Variants in TMTC1 observed in about 807,000 individuals in gnomAD.
The protein encoded by TMTC1 is protein O-mannosyl-transferase TMTC1.
TMTC1 carries 73 observed loss-of-function variants against 104.8 expected under a neutral mutation model. That is an observed-to-expected ratio of 0.70 (90% CI 0.58 to 0.85). The LOEUF (loss-of-function observed/expected upper bound fraction) is 0.85. Ranked by LOEUF, TMTC1 falls within the 40% of genes least tolerant of loss-of-function variation. TMTC1 has a pLI of 0.00. For missense variants in TMTC1, 1,035 were observed against 1,096.1 expected, an observed-to-expected ratio of 0.94 and a Z score of 0.79; for synonymous variants, 434 against 428.7, an observed-to-expected ratio of 1.01 and a Z score of -0.15.
At chr12:29,650,697 A>G (rs1249305248) in intron 5 of TMTC1, among the ~76,000 whole-genome samples, 2 of 152,196 alleles carry the variant, frequency 1.3e-5, no homozygotes, top group Admixed American at 1.3e-4. Context: ...AAACCTTTCT[A>G]AAGAAGCAGC....
chr12:29,581,151 C>T (rs1002843251), intron 8 of TMTC1, among the ~76,000 whole-genome samples: 31 of 152,296 alleles, frequency 2.0e-4, no homozygotes, highest in Admixed American at 1.4e-3. Flanking sequence ...AAGTCTAACT[C>T]CATACCCTGC....
At chr12:29,706,360 T>C (rs1336939799) in intron 5 of TMTC1, among the ~76,000 whole-genome samples, 1 of 152,172 alleles carries the variant, frequency 6.6e-6, no homozygotes, top group African/African-American at 2.4e-5. Flanking sequence ...AAAAATAATA[T>C]AATCCCTATT....
At chr12:29,641,876 G>A (rs1167012189) in intron 5 of TMTC1, among the ~76,000 whole-genome samples, 2 of 152,044 alleles carry the variant, frequency 1.3e-5, no homozygotes, top group African/African-American at 4.8e-5. Context: ...AAATATTCAA[G>A]GAAATAGCTT....
At chr12:29,708,175 A>T (rs1941801626) in intron 5 of TMTC1, among the ~76,000 whole-genome samples, 1 of 152,230 alleles carries the variant, frequency 6.6e-6, no homozygotes, top group African/African-American at 2.4e-5. Flanking sequence ...AAATGTGATA[A>T]CAGCTAAAAC....
intron 5 of TMTC1, among the ~76,000 whole-genome samples, chr12:29,658,194 G>A (rs1939848196): frequency 6.6e-6 from 1 of 151,902 alleles, no homozygotes; most frequent in South Asian, 2.1e-4. Flanking sequence ...CATAGATCAA[G>A]ATTTAAAATT....
intron 6 of TMTC1, among the ~76,000 whole-genome samples, chr12:29,626,426 A>T (rs1937996992): frequency 6.6e-6 from 1 of 152,190 alleles, no homozygotes; most frequent in African/African-American, 2.4e-5. Context: ...AGTTTATGTA[A>T]CTAATTGGCA....
In TMTC1 at chr12:29,755,845, T is replaced by C. The variant is rs771858820; in HGVS notation, c.595A>G (p.Thr199Ala). ...QGCVGGSFPSTVSPFFLLLSL... is the reference protein window; with the variant it reads ...QGCVGGSFPSAVSPFFLLLSL... ...AGCAGCAAGAAGAAGGGAGACACCGTGGAAGGGAAACTTCCCCCAACACAG... is the reference window on the plus strand; with the variant it reads ...AGCAGCAAGAAGAAGGGAGACACCGCGGAAGGGAAACTTCCCCCAACACAG... The change falls in exon 4 of 18, where the codon ACG becomes GCG. Residue 199 changes from threonine to alanine, a missense_variant. By Grantham distance (58) the Thr-to-Ala change is moderately conservative. Transcript: ENST00000539277. 1.2e-6 allele frequency: 2 copies of C among 1,614,182 alleles called. No homozygotes were observed. Among genetic ancestry groups the C allele is most frequent in the Non-Finnish European group, 1.7e-6 (2 of 1,180,004 alleles).
chr12:29,556,632 A>C (rs1197921644), intron 10 of TMTC1, among the ~76,000 whole-genome samples: 1 of 152,252 alleles, frequency 6.6e-6, no homozygotes, highest in Non-Finnish European at 1.5e-5. Flanking sequence ...ACAATCTATG[A>C]AAATCTTCCA....
intron 1 of TMTC1, among the ~76,000 whole-genome samples, chr12:29,773,495 CT>C (rs1056539559): frequency 5.9e-5 from 9 of 152,104 alleles, no homozygotes; most frequent in African/African-American, 2.2e-4. Context: ...GACTAGAGTC[CT>C]TCCTCAAAAG....
intron 5 of TMTC1, among the ~76,000 whole-genome samples, chr12:29,735,377 T>C (rs1190616984): frequency 6.6e-6 from 1 of 152,264 alleles, no homozygotes; most frequent in East Asian, 1.9e-4. Context: ...TTACTGAAGT[T>C]GCAAAATGCA....
chr12:29,767,076 A>G (rs1268434454), intron 2 of TMTC1, among the ~76,000 whole-genome samples: 2 of 151,694 alleles, frequency 1.3e-5, no homozygotes, highest in Admixed American at 6.6e-5. Context: ...CAGCCTCCCA[A>G]GTAGCTGGAA....
intron 5 of TMTC1, among the ~76,000 whole-genome samples, chr12:29,720,022 G>C (rs1056042029): frequency 2.0e-5 from 3 of 152,128 alleles, no homozygotes; most frequent in African/African-American, 7.2e-5. Context: ...ATGTCTTAAG[G>C]AACAACCCCA....
chr12:29,677,270 C>T (rs1347734642), intron 5 of TMTC1, among the ~76,000 whole-genome samples: 1 of 152,062 alleles, frequency 6.6e-6, no homozygotes, highest in Non-Finnish European at 1.5e-5. Context: ...TGTTTAGTAC[C>T]TTGTGATTTT....
intron 5 of TMTC1, among the ~76,000 whole-genome samples, chr12:29,671,200 G>T (rs1940499716): frequency 6.6e-6 from 1 of 151,248 alleles, no homozygotes; most frequent in Non-Finnish European, 1.5e-5. Context: ...GGAGGCTGAG[G>T]CAGGAGAATC....
At chr12:29,510,220 C>G (rs1943795274) in intron 17 of TMTC1, among the ~76,000 whole-genome samples, 2 of 152,214 alleles carry the variant, frequency 1.3e-5, no homozygotes, top group South Asian at 2.1e-4. Context: ...TATTAGTGTA[C>G]TGAATACTGT....
At chr12:29,508,526 C>T (rs1292620084) in intron 17 of TMTC1, among the ~76,000 whole-genome samples, 1 of 152,156 alleles carries the variant, frequency 6.6e-6, no homozygotes, top group Non-Finnish European at 1.5e-5. Flanking sequence ...CTTCTCTGTC[C>T]TTTCACACAG....
At chr12:29,743,517 G>GA (rs978744558) in intron 5 of TMTC1, among the ~76,000 whole-genome samples, 47 of 146,044 alleles carry the variant, frequency 3.2e-4, no homozygotes, top group African/African-American at 5.0e-4. Flanking sequence ...TTCAATTTTT[G>GA]AAAAAAAAAA....
chr12:29,631,108 C>T (rs919430791), intron 6 of TMTC1, among the ~76,000 whole-genome samples: 3 of 152,050 alleles, frequency 2.0e-5, no homozygotes, highest in Non-Finnish European at 4.4e-5. Flanking sequence ...TAGTTTTTGC[C>T]TTGTTAATCT....
At chr12:29,724,296 G>T (rs543889850) in intron 5 of TMTC1, among the ~76,000 whole-genome samples, 34 of 152,190 alleles carry the variant, frequency 2.2e-4, no homozygotes, top group Non-Finnish European at 3.7e-4. Context: ...AAACTCTGCT[G>T]AGTGTGGTAT....
Sources: gnomAD v4.1 joint callset for allele counts (sites outside exome capture counted in the v4.1 genomes callset) on GRCh38, gnomAD v4.1.1 for gene constraint, MANE v1.5 for transcripts, NCBI Gene and HGNC (gene_info 2026-07-23, HGNC 2026-07-21) for gene names.